Variants in CNTNAP5 observed in about 807,000 individuals in gnomAD.
CNTNAP5 encodes contactin-associated protein-like 5.
A neutral mutation model predicts 150.2 loss-of-function variants in CNTNAP5; 72 were observed. That is an observed-to-expected ratio of 0.48 (90% CI 0.40 to 0.58). CNTNAP5 has a LOEUF of 0.58. CNTNAP5 is among the 20% of genes least tolerant of loss of function. The pLI is 0.00. For missense variants in CNTNAP5, 1,636 were observed against 1,626.2 expected, an observed-to-expected ratio of 1.01 and a Z score of -0.10; for synonymous variants, 672 against 619.8, an observed-to-expected ratio of 1.08 and a Z score of -1.25.
intron 11 of CNTNAP5, among the ~76,000 whole-genome samples, chr2:124,607,701 T>C (rs1288129112): frequency 6.6e-6 from 1 of 152,172 alleles, no homozygotes; most frequent in African/African-American, 2.4e-5. Context: ...AGGTTTATGT[T>C]CTTAACTACT....
chr2:124,264,699 C>G (rs1267472962), intron 3 of CNTNAP5, among the ~76,000 whole-genome samples: 2 of 152,204 alleles, frequency 1.3e-5, no homozygotes, highest in Non-Finnish European at 2.9e-5. Flanking sequence ...AGGGTCCTGG[C>G]TGATTCCCCT....
At chr2:124,502,765 G>C (rs1485401986) in intron 7 of CNTNAP5, among the ~76,000 whole-genome samples, 1 of 152,150 alleles carries the variant, frequency 6.6e-6, no homozygotes, top group African/African-American at 2.4e-5. Context: ...GAGATACCAA[G>C]AGCAAGTTGG....
chr2:124,754,109 G>A (rs1452005038), intron 14 of CNTNAP5, among the ~76,000 whole-genome samples: 4 of 151,660 alleles, frequency 2.6e-5, no homozygotes, highest in African/African-American at 4.9e-5. Context: ...GAACTCTTTC[G>A]GTTTCCTCAA....
chr2:124,318,018 A>G (rs1383053050), intron 3 of CNTNAP5, among the ~76,000 whole-genome samples: 1 of 152,222 alleles, frequency 6.6e-6, no homozygotes, highest in Non-Finnish European at 1.5e-5. Flanking sequence ...GGGGAAATGT[A>G]AAGGAAGTAA....
chr2:124,793,925 C>G (rs1168036249), intron 18 of CNTNAP5, among the ~76,000 whole-genome samples: 2 of 152,100 alleles, frequency 1.3e-5, no homozygotes, highest in Admixed American at 1.3e-4. Flanking sequence ...ATTTAGAAAT[C>G]TAGAAAAGTT....
chr2:124,635,192 T>C (rs1677946889), intron 12 of CNTNAP5, among the ~76,000 whole-genome samples: 1 of 152,036 alleles, frequency 6.6e-6, no homozygotes, highest in South Asian at 2.1e-4. Flanking sequence ...TCAATCGTAA[T>C]GGAAAGTGAA....
chr2:124,628,410 T>G (rs1677776285), intron 12 of CNTNAP5, among the ~76,000 whole-genome samples: 1 of 152,128 alleles, frequency 6.6e-6, no homozygotes, highest in African/African-American at 2.4e-5. Flanking sequence ...GGGCCAATAT[T>G]CACCATTCTT....
At chr2:124,805,430 G>A (rs1314260000) in intron 19 of CNTNAP5, among the ~76,000 whole-genome samples, 10 of 152,058 alleles carry the variant, frequency 6.6e-5, no homozygotes. Flanking sequence ...TACACCTGGG[G>A]CAACATAGTC....
intron 3 of CNTNAP5, among the ~76,000 whole-genome samples, chr2:124,280,089 T>G (rs904147089): frequency 5.3e-5 from 8 of 152,130 alleles, no homozygotes; most frequent in African/African-American, 1.9e-4. Context: ...AAGACCTGAT[T>G]GTCATCCTTA....
intron 13 of CNTNAP5, 36 bp from the exon 14 acceptor site, chr2:124,747,193 G>A (rs1253336171): frequency 1.2e-6 from 2 of 1,601,124 alleles, no homozygotes; most frequent in African/African-American, 2.7e-5. Flanking sequence ...CTTCAGGCTT[G>A]CCCTACCCTG....
At chr2:124,276,438 G>A (rs185128675) in intron 3 of CNTNAP5, among the ~76,000 whole-genome samples, 1 of 152,286 alleles carries the variant, frequency 6.6e-6, no homozygotes, top group Admixed American at 6.5e-5. Context: ...GCTTCTCCTA[G>A]TTGGCATTTT....
intron 1 of CNTNAP5, among the ~76,000 whole-genome samples, chr2:124,183,932 C>A (rs1685267793): frequency 6.6e-6 from 1 of 152,096 alleles, no homozygotes; most frequent in Non-Finnish European, 1.5e-5. Flanking sequence ...TTTGCACGAA[C>A]CTAATAGATT....
In CNTNAP5 at chr2:124,186,832, A is replaced by C. The variant is rs1685344146; in HGVS notation, c.83-34873A>C. 2.0e-5 allele frequency among the ~76,000 whole-genome samples: 3 copies of C among 152,224 alleles called. No homozygotes were observed. In the South Asian group the frequency reaches 6.2e-4, roughly 32 times the overall value. On this transcript the variant is annotated intron_variant, in intron 1 of 23. Transcript: ENST00000682447. ...CATTTCACTTCTTTGCCTTCCTCCC[A>C]AAGAGATAGTACAATTCTTCTGGCA... is the stretch of plus-strand genomic sequence containing the variant.
chr2:124,788,969 A>G (rs1681659568), intron 17 of CNTNAP5, among the ~76,000 whole-genome samples: 1 of 151,916 alleles, frequency 6.6e-6, no homozygotes, highest in African/African-American at 2.4e-5. Flanking sequence ...CCACACACCC[A>G]CACAATAGAT....
chr2:124,772,826 A>C lies in CNTNAP5; in HGVS notation c.2561A>C (p.Asp854Ala). ...SSPSEITFAI[D>A]VGNGPVELVV... ...CCTTCAGAGATCACCTTTGCCATCG[A>C]TGTTGGGAATGGTCCTGTGGAGCTT... Residue 854 changes from aspartate (D) to alanine (A), a missense_variant, in exon 17 of 24, where the codon GAT (aspartate) becomes GCT (alanine). By Grantham distance (126) the Asp-to-Ala change is moderately radical. Coordinates refer to ENST00000682447, the MANE Select transcript of CNTNAP5 (RefSeq NM_001367498.1). 1 of 1,613,566 alleles carries C rather than the reference A, an allele frequency of 6.2e-7. No homozygotes were observed. Among genetic ancestry groups the C allele is most frequent in the Non-Finnish European group, 8.5e-7 (1 of 1,179,668 alleles).
intron 13 of CNTNAP5, among the ~76,000 whole-genome samples, chr2:124,682,649 T>C (rs1679094121): frequency 6.6e-6 from 1 of 152,178 alleles, no homozygotes. Flanking sequence ...AGTTCTTCAA[T>C]GGCTTAGGTT....
intron 3 of CNTNAP5, among the ~76,000 whole-genome samples, chr2:124,360,745 T>C (rs1234157173): frequency 1.1e-5 from 1 of 94,624 alleles, no homozygotes; most frequent in Non-Finnish European, 2.2e-5. Flanking sequence ...CTTAACATTT[T>C]TTCCTTCATT....
intron 11 of CNTNAP5, among the ~76,000 whole-genome samples, chr2:124,607,180 C>T (rs772724082): frequency 4.1e-4 from 63 of 152,172 alleles, no homozygotes; most frequent in Admixed American, 2.4e-3. Context: ...ACATTATCAT[C>T]TCAGAGTGTC....
At chr2:124,578,652 G>T (rs1263117270) in intron 11 of CNTNAP5, among the ~76,000 whole-genome samples, 1 of 152,056 alleles carries the variant, frequency 6.6e-6, no homozygotes, top group Admixed American at 6.6e-5. Flanking sequence ...CACGCCTATA[G>T]TCCCAGCTCC....
Sources: allele counts gnomAD v4.1 joint callset (sites outside exome capture counted in the v4.1 genomes callset), GRCh38; gene constraint gnomAD v4.1.1; transcripts MANE v1.5; gene names NCBI Gene and HGNC (gene_info 2026-07-23, HGNC 2026-07-21).